The following CNTNAP3 variants were observed in gnomAD, a reference collection of about 807,000 sequenced individuals.
CNTNAP3 encodes contactin associated protein family member 3, also known as contactin-associated protein-like 3.
In CNTNAP3, 36 loss-of-function variants were observed where a neutral mutation model predicts 92.1. The ratio of observed to expected loss-of-function variants is 0.39; its 90% CI spans 0.30 to 0.52. The LOEUF is 0.52. CNTNAP3 is among the 20% of genes least tolerant of loss of function. The pLI is 0.76. For missense variants in CNTNAP3, 534 were observed against 1,069.6 expected (o/e 0.50, Z 6.98); for synonymous variants, 232 against 422.3 (o/e 0.55, Z 5.53).
At chr9:39,102,927 C>G (rs1192115384) in intron 16 of CNTNAP3, among the ~76,000 whole-genome samples, 6 of 152,010 alleles carry the variant, frequency 3.9e-5, no homozygotes, top group Admixed American at 2.6e-4. Context: ...TCAGAGTTCA[C>G]AATTCAACCT....
At chr9:39,136,425 C>T (rs1439793289) in intron 12 of CNTNAP3, among the ~76,000 whole-genome samples, 1 of 152,008 alleles carries the variant, frequency 6.6e-6, no homozygotes, top group African/African-American at 2.4e-5. Context: ...TTTCATTTGT[C>T]TGAGAAAATC....
chr9:39,138,403 C>G (rs73646299), intron 12 of CNTNAP3, among the ~76,000 whole-genome samples: 1,862 of 152,158 alleles, frequency 0.012, 34 homozygotes, highest in African/African-American at 0.042. Context: ...GACAGGATGG[C>G]CAGAGGTGGG....
intron 23 of CNTNAP3, among the ~76,000 whole-genome samples, chr9:39,077,483 G>C (rs1825809379): frequency 6.6e-6 from 1 of 152,082 alleles, no homozygotes; most frequent in Non-Finnish European, 1.5e-5. Context: ...CGTGAACCCG[G>C]GAGGCGGAGC....
rs751100231 is a variant in CNTNAP3 at position 39,102,518 on chromosome 9, G to A, written c.2734C>T (p.Leu912Phe). ...TCACCAATGAAGAGCTGGCTGTTGAGCTGTAAACGAACGTGCCCATCAGCA... is the reference window on the plus strand; with the variant it reads ...TCACCAATGAAGAGCTGGCTGTTGAACTGTAAACGAACGTGCCCATCAGCA... Reference protein sequence around the residue: ...APADGHVRLQLNSQLFIGGTA... With the variant: ...APADGHVRLQFNSQLFIGGTA... Residue 912 changes from leucine to phenylalanine, a missense_variant, in exon 17 of 24, where the codon CTC (leucine) becomes TTC (phenylalanine). Leu to Phe is a conservative substitution (Grantham distance 22, BLOSUM62 0). Transcript: ENST00000297668. 1.3e-6 allele frequency: 2 copies of A among 1,500,780 alleles called. No individual in the cohort carries two copies. The highest frequency in any genetic ancestry group is 1.8e-6 in the Non-Finnish European group (2 of 1,105,418). 93.0% of individuals were successfully genotyped at this position (1,500,780 alleles called of 1,614,324 possible).
chr9:39,112,577 G>C (rs971868931), intron 14 of CNTNAP3, among the ~76,000 whole-genome samples: 53 of 152,056 alleles, frequency 3.5e-4, no homozygotes, highest in Non-Finnish European at 7.6e-4. Context: ...TGTTGGTCAG[G>C]CTGGTCTCGA....
chr9:39,121,257 T>C (rs890049301), intron 13 of CNTNAP3, among the ~76,000 whole-genome samples: 1 of 151,978 alleles, frequency 6.6e-6, no homozygotes, highest in Non-Finnish European at 1.5e-5. Flanking sequence ...GAAAGCAGAA[T>C]GGCTATCTCA....
chr9:39,113,997 C>T (rs1820783147), intron 14 of CNTNAP3, among the ~76,000 whole-genome samples: 1 of 143,626 alleles, frequency 7.0e-6, no homozygotes, highest in Non-Finnish European at 1.5e-5. Flanking sequence ...TATATACACA[C>T]ACACATATAT....
At chr9:39,102,290 CAA>C (rs944961975) in intron 17 of CNTNAP3, among the ~76,000 whole-genome samples, 5 of 148,550 alleles carry the variant, frequency 3.4e-5, no homozygotes, top group African/African-American at 1.3e-4. Flanking sequence ...AAAACAAAAA[CAA>C]AAACAAAAAC....
Position 39,069,097 on chromosome 9 carries a change from A to G in CNTNAP3, c.*4793T>C, listed in dbSNP as rs1352939638. On this transcript the variant is annotated 3_prime_UTR_variant, in exon 24 of 24. Transcript: ENST00000297668. ...GAACAAGAAGTAAATTTAGCTATCA[A>G]TTATGTTTACTCACTGCAGATTAAG... Among the ~76,000 whole-genome samples, 5 of 152,358 alleles carry G rather than the reference A, an allele frequency of 3.3e-5. No homozygotes were observed. Among genetic ancestry groups the G allele is most frequent in the African/African-American group, 7.2e-5 (3 of 41,578 alleles).
chr9:39,123,767 G>C (rs1207454511), intron 13 of CNTNAP3, among the ~76,000 whole-genome samples: 1 of 152,128 alleles, frequency 6.6e-6, no homozygotes, highest in East Asian at 1.9e-4. Flanking sequence ...CAAGCAAGAA[G>C]AAAGTGAAGT....
At chr9:39,140,731 T>A (rs931753947) in intron 11 of CNTNAP3, 93 bp from the exon 12 acceptor site, 1 of 1,468,330 alleles carries the variant, frequency 6.8e-7, no homozygotes, top group South Asian at 1.5e-5. Flanking sequence ...TACAGACATG[T>A]GATACATATG....
In CNTNAP3 at chr9:39,103,792, A is replaced by T. The variant is rs767534881; in HGVS notation, c.2488T>A (p.Phe830Ile). ...FFKTTVSSGV[F>I]MENLGITDFI... ...TCTGTGATCCCCAGGTTCTCCATAA[A>T]CACCCCGGAGGAAACTGTGGTCTTA... The change falls in exon 16 of 24, where the codon TTT (phenylalanine) becomes ATT (isoleucine). Residue 830 changes from phenylalanine (F) to isoleucine (I), a missense_variant. Transcript: ENST00000297668. 6.3e-5 allele frequency: 102 copies of T among 1,611,146 alleles called. No homozygotes were observed. Among genetic ancestry groups the T allele is most frequent in the Non-Finnish European group, 8.4e-5 (99 of 1,179,790 alleles).
intron 13 of CNTNAP3, among the ~76,000 whole-genome samples, chr9:39,121,815 G>A (rs559683728): frequency 6.6e-6 from 1 of 152,266 alleles, no homozygotes; most frequent in Non-Finnish European, 1.5e-5. Context: ...GACATAAGGG[G>A]AGGGAAGGAG....
At chr9:39,087,971 T>C (rs369676417) in intron 19 of CNTNAP3, among the ~76,000 whole-genome samples, 3 of 152,214 alleles carry the variant, frequency 2.0e-5, no homozygotes, top group South Asian at 2.1e-4. Flanking sequence ...CAGCCACTGA[T>C]GAGATAAAGA....
intron 9 of CNTNAP3, among the ~76,000 whole-genome samples, chr9:39,162,030 A>C (rs1286217885): frequency 8.3e-6 from 1 of 120,962 alleles, no homozygotes; most frequent in Non-Finnish European, 1.6e-5. Flanking sequence ...TCTGCACAGC[A>C]AAAGAAACTA....
At position 39,069,014 on chromosome 9, in the gene CNTNAP3, A is replaced by T. The variant is rs1219301966; in HGVS notation, c.*4876T>A. On this transcript the variant is annotated 3_prime_UTR_variant, in exon 24 of 24. Transcript: ENST00000297668. ...AAGAAATATATGTAAGTATAAACACACATACACATATATATATGTATGTAT... is the reference window on the plus strand; with the variant it reads ...AAGAAATATATGTAAGTATAAACACTCATACACATATATATATGTATGTAT... Among the ~76,000 whole-genome samples, 7 of 130,638 alleles carry T rather than the reference A, an allele frequency of 5.4e-5. No homozygotes were observed. Among genetic ancestry groups the T allele is most frequent in the Non-Finnish European group, 9.5e-5 (6 of 63,172 alleles). 85.7% of individuals were successfully genotyped at this position (130,638 alleles called of 152,430 possible).
intron 14 of CNTNAP3, among the ~76,000 whole-genome samples, chr9:39,112,460 G>C (rs1820725781): frequency 6.6e-6 from 1 of 152,040 alleles, no homozygotes; most frequent in African/African-American, 2.4e-5. Context: ...CCACCCCCAG[G>C]ATTCAAGCAA....
chr9:39,072,225 A>C lies in CNTNAP3; in HGVS notation c.*1665T>G, dbSNP rs1825646327. Among the ~76,000 whole-genome samples, 1 of 117,754 alleles carries C rather than the reference A, an allele frequency of 8.5e-6. No individual in the cohort carries two copies. The highest frequency in any genetic ancestry group is 3.9e-5 in the African/African-American group (1 of 25,540). The allele number at this position is 117,754 out of a possible 152,430, so 77.3% of individuals were successfully genotyped here. A position where few individuals can be genotyped will look rare whatever the true frequency, so the allele number is the denominator to read the frequency against. On this transcript the variant is annotated 3_prime_UTR_variant, in exon 24 of 24. Transcript: ENST00000297668. Reference sequence around the variant, plus strand: ...AGACAGAGAGTGTATTCATTCTTTCAAAAATAACACATACGAATTTCCATA... The same window carrying C: ...AGACAGAGAGTGTATTCATTCTTTCCAAAATAACACATACGAATTTCCATA...
Position 39,069,502 on chromosome 9 carries a change from C to T in CNTNAP3, c.*4388G>A, listed in dbSNP as rs1825590405. The stretch of plus-strand genomic sequence containing the variant: ...ATTTTTATTCACAGAGCAAATGCAA[C>T]CATGTGAACCTCACATTTTAAAATA... On this transcript the variant is annotated 3_prime_UTR_variant, in exon 24 of 24. Coordinates refer to ENST00000297668, the MANE Select transcript of CNTNAP3 (RefSeq NM_033655.5). Among the ~76,000 whole-genome samples, 1 of 152,308 alleles carries T rather than the reference C, an allele frequency of 6.6e-6. No homozygotes were observed. Among genetic ancestry groups the T allele is most frequent in the Non-Finnish European group, 1.5e-5 (1 of 68,056 alleles).
Sources: gnomAD v4.1 joint callset for allele counts (sites outside exome capture counted in the v4.1 genomes callset) on GRCh38, gnomAD v4.1.1 for gene constraint, MANE v1.5 for transcripts, NCBI Gene and HGNC (gene_info 2026-07-23, HGNC 2026-07-21) for gene names.